PUM2: variants seen among roughly 807,000 people sequenced by gnomAD.
PUM2 encodes pumilio homolog 2.
In PUM2, 57 loss-of-function variants were observed where a neutral mutation model predicts 124.5. The ratio of observed to expected loss-of-function variants is 0.46; its 90% CI spans 0.37 to 0.57. The LOEUF is 0.57. PUM2 is among the 20% of genes least tolerant of loss of function. PUM2 has a pLI of 0.00. For synonymous variants in PUM2, 460 were observed against 446.1 expected (o/e 1.03, Z -0.39); for missense variants, 1,065 against 1,290.6 (o/e 0.83, Z 2.68).
intron 1 of PUM2, among the ~76,000 whole-genome samples, chr2:20,347,539 T>C (rs1688484846): frequency 1.3e-5 from 2 of 152,204 alleles, no homozygotes; most frequent in Admixed American, 1.3e-4. Context: ...ACAAAAGCAA[T>C]TAAGTTTTAA....
intron 10 of PUM2, among the ~76,000 whole-genome samples, chr2:20,290,251 A>G (rs1673700643): frequency 1.3e-5 from 2 of 152,250 alleles, no homozygotes; most frequent in African/African-American, 4.8e-5. Context: ...AAAGTAAGAA[A>G]CATTAGCGGC....
At chr2:20,262,652 A>G (rs774038138) in intron 14 of PUM2, among the ~76,000 whole-genome samples, 20 of 152,228 alleles carry the variant, frequency 1.3e-4, no homozygotes, top group Non-Finnish European at 1.2e-4. Context: ...AAGAGAGAAA[A>G]TATCTTAAAT....
intron 1 of PUM2, among the ~76,000 whole-genome samples, chr2:20,339,172 C>CCAAAT (rs1686720585): frequency 6.6e-6 from 1 of 151,852 alleles, no homozygotes; most frequent in South Asian, 2.1e-4. Flanking sequence ...TAGATTTTTC[C>CCAAAT]TAAATATACT....
intron 17 of PUM2, among the ~76,000 whole-genome samples, chr2:20,255,661 T>C (rs1485500736): frequency 6.6e-6 from 1 of 152,206 alleles, no homozygotes; most frequent in Non-Finnish European, 1.5e-5. Flanking sequence ...GAAATATTAA[T>C]TACTATGTAT....
chr2:20,300,631 G>C (rs1010395838), intron 7 of PUM2, among the ~76,000 whole-genome samples: 7 of 151,940 alleles, frequency 4.6e-5, no homozygotes, highest in African/African-American at 1.7e-4. Flanking sequence ...TATGCCCTAG[G>C]TCAAAAAGGT....
intron 10 of PUM2, among the ~76,000 whole-genome samples, chr2:20,289,475 G>A (rs1434278595): frequency 6.6e-6 from 1 of 152,132 alleles, no homozygotes; most frequent in Non-Finnish European, 1.5e-5. Flanking sequence ...GTCTGCTTTT[G>A]CCAAGGTCTC....
At chr2:20,311,429 C>T in intron 5 of PUM2, 65 bp downstream of exon 5, 1 of 1,436,226 alleles carries the variant, frequency 7.0e-7, no homozygotes, top group Middle Eastern at 1.8e-4. Flanking sequence ...AAATCAGTCA[C>T]ATCAACTAAT....
intron 19 of PUM2, 98 bp downstream of exon 19, chr2:20,254,765 A>G (rs1664358456): frequency 1.6e-6 from 2 of 1,257,128 alleles, no homozygotes; most frequent in Admixed American, 3.0e-5. Context: ...AAAAAAGACT[A>G]CAGTTTAATG....
chr2:20,297,773 T>TG (rs1675982678), intron 7 of PUM2, 95 bp from the exon 8 acceptor site: 4 of 1,215,706 alleles, frequency 3.3e-6, no homozygotes, highest in African/African-American at 3.0e-5. Flanking sequence ...TGGGGTGGTG[T>TG]GGGGGTGGGG....
At chr2:20,303,347 A>G (rs902226619) in intron 7 of PUM2, among the ~76,000 whole-genome samples, 1 of 151,734 alleles carries the variant, frequency 6.6e-6, no homozygotes, top group African/African-American at 2.4e-5. Context: ...CGAGGCTGCA[A>G]TTAGCCATAG....
intron 13 of PUM2, among the ~76,000 whole-genome samples, chr2:20,268,643 T>A (rs188730233): frequency 0.035 from 5,289 of 150,808 alleles, 122 homozygotes; most frequent in Non-Finnish European, 0.055. Flanking sequence ...ACAAACAAAA[T>A]ATATATATAT....
At chr2:20,345,000 A>AAAG (rs1687958484) in intron 1 of PUM2, among the ~76,000 whole-genome samples, 1 of 148,888 alleles carries the variant, frequency 6.7e-6, no homozygotes, top group African/African-American at 2.5e-5. Context: ...AAAAAAAAAA[A>AAAG]AAAAGAAAAG....
At chr2:20,262,174 TAC>T (rs1234027104) in intron 14 of PUM2, among the ~76,000 whole-genome samples, 1 of 152,346 alleles carries the variant, frequency 6.6e-6, no homozygotes, top group East Asian at 1.9e-4. Context: ...AGTTGAAGTG[TAC>T]AGTGTTTATA....
At chr2:20,254,310 G>A (rs763336206) in intron 19 of PUM2, among the ~76,000 whole-genome samples, 6 of 151,942 alleles carry the variant, frequency 3.9e-5, no homozygotes, top group Non-Finnish European at 5.9e-5. Flanking sequence ...ACAGGCATGC[G>A]CCACCACGCC....
intron 12 of PUM2, among the ~76,000 whole-genome samples, chr2:20,279,218 C>CT (rs1361605210): frequency 1.3e-5 from 2 of 151,848 alleles, no homozygotes; most frequent in African/African-American, 2.4e-5. Flanking sequence ...GCTTCTTAGA[C>CT]TTTAACTCAA....
intron 7 of PUM2, among the ~76,000 whole-genome samples, chr2:20,305,210 C>T (rs1247950492): frequency 3.2e-4 from 49 of 152,156 alleles, no homozygotes; most frequent in Admixed American, 3.1e-3. Flanking sequence ...AATGGCTGGG[C>T]GCAGTGGCTC....
chr2:20,267,591 A>C (rs72785299), intron 13 of PUM2, among the ~76,000 whole-genome samples: 11,023 of 152,240 alleles, frequency 0.072, 435 homozygotes, highest in Non-Finnish European at 0.088. Context: ...ATTAAAAGAG[A>C]TAAGGTCTTT....
intron 13 of PUM2, among the ~76,000 whole-genome samples, chr2:20,268,649 TA>T (rs1461160715): frequency 2.0e-5 from 3 of 151,906 alleles, no homozygotes; most frequent in Non-Finnish European, 4.4e-5. Context: ...AAAATATATA[TA>T]TATATATGTA....
chr2:20,325,229 A>AC (rs950637697), intron 2 of PUM2, among the ~76,000 whole-genome samples: 1 of 141,822 alleles, frequency 7.1e-6, no homozygotes, highest in Non-Finnish European at 1.6e-5. Flanking sequence ...GTTAGTGCTT[A>AC]AACTGTTAAG....
Sources: allele counts gnomAD v4.1 joint callset (sites outside exome capture counted in the v4.1 genomes callset), GRCh38; gene constraint gnomAD v4.1.1; transcripts MANE v1.5; gene names NCBI Gene and HGNC (gene_info 2026-07-23, HGNC 2026-07-21).